Variants in NEB observed in about 807,000 individuals in gnomAD.
NEB encodes nemaline myopathy type 2.
In NEB, 512 loss-of-function variants were observed where a neutral mutation model predicts 952.2. The ratio of observed to expected loss-of-function variants is 0.54; its 90% CI spans 0.50 to 0.58. The LOEUF is 0.58. NEB is among the 20% of genes least tolerant of loss of function. The pLI is 0.00. For synonymous variants in NEB, 2,900 were observed against 3,149.8 expected, an observed-to-expected ratio of 0.92 and a Z score of 2.66; for missense variants, 8,428 against 9,231.1, an observed-to-expected ratio of 0.91 and a Z score of 3.56.
Position 151,570,140 on chromosome 2 carries a change from A to G in NEB, c.17371T>C (p.Cys5791Arg), listed in dbSNP as rs1553788021. Residue 5791 changes from cysteine to arginine, a missense_variant, in exon 109 of 182, where the codon TGC becomes CGC. Physicochemically the swap from Cys to Arg is radical, Grantham distance 180. Coordinates refer to ENST00000397345, the MANE Select transcript of NEB (RefSeq NM_001164508.2). Reference sequence around the variant, plus strand: ...ATCACATCGTTCTGGTCGGGCATGCAGGTCCACTGGTGCAGGTAATTGCGG... The same window carrying G: ...ATCACATCGTTCTGGTCGGGCATGCGGGTCCACTGGTGCAGGTAATTGCGG... ...DYRNYLHQWTCMPDQNDVIQA... is the reference protein window; with the variant it reads ...DYRNYLHQWTRMPDQNDVIQA... The G allele has an allele frequency of 6.2e-7, 1 of 1,613,222 alleles. No individual in the cohort carries two copies. Among genetic ancestry groups the G allele is most frequent in the Non-Finnish European group, 8.5e-7 (1 of 1,179,618 alleles).
At position 151,565,483 on chromosome 2, in the gene NEB, T is replaced by C; in HGVS notation, c.18366+18A>G. Reference sequence around the variant, plus strand: ...ACTCCCCAGTCTGTGCACTTCAGCATGCACAAAGCAAACTTACATCACTTT... The same window carrying C: ...ACTCCCCAGTCTGTGCACTTCAGCACGCACAAAGCAAACTTACATCACTTT... On this transcript the variant is annotated intron_variant, in intron 116 of 181. Transcript: ENST00000397345. 4 of 1,490,866 alleles carry C rather than the reference T, an allele frequency of 2.7e-6. No homozygotes were observed. The African/African-American group carries it at 4.1e-5, about 15-fold the overall frequency. 92.4% of individuals were successfully genotyped at this position (1,490,866 alleles called of 1,614,324 possible).
rs527598803 is a variant in NEB at position 151,541,469 on chromosome 2, C to T, written c.20660G>A (p.Arg6887Gln). 19 of 1,612,832 alleles carry T rather than the reference C, an allele frequency of 1.2e-5. No homozygotes were observed. The highest frequency in any genetic ancestry group is 7.7e-5 in the South Asian group (7 of 90,806). ...PDTPDLLRAK[R>Q]GQKLQSQYLY... ...TACCTGACTCTGAAGCTTCTGCCCT[C>T]GCTTGGCTCTTAAAAGATCAGGAGT... is the stretch of plus-strand genomic sequence containing the variant. Residue 6887 changes from arginine to glutamine, a missense_variant, in exon 136 of 182, where the codon CGA becomes CAA. Coordinates refer to ENST00000397345, the MANE Select transcript of NEB (RefSeq NM_001164508.2).
chr2:151,563,765 A>C (rs2096231107), intron 118 of NEB, 46 bp from the exon 119 acceptor site: 9 of 1,607,766 alleles, frequency 5.6e-6, no homozygotes, highest in African/African-American at 1.3e-5. Context: ...TTTCCTAACC[A>C]GCCCCTTGAT....
rs1015426122 is a variant in NEB, at chr2:151,625,711, A to T, written c.10348-73T>A. 99 of 1,022,672 alleles carry T rather than the reference A, an allele frequency of 9.7e-5. No individual in the cohort carries two copies. In the African/African-American group the frequency reaches 1.5e-3, roughly 16 times the overall value. 63.3% of individuals were successfully genotyped at this position (1,022,672 alleles called of 1,614,324 possible). On this transcript the variant is annotated intron_variant, in intron 70 of 181. Transcript: ENST00000397345. ...AACAGGAGTTTTCAATTAAGACACC[A>T]TGACAAAGTTGAGAGCCAGCTTTCT...
intron 50 of NEB, 109 bp downstream of exon 50, chr2:151,655,708 G>T: frequency 1.7e-6 from 2 of 1,182,254 alleles, no homozygotes; most frequent in Non-Finnish European, 2.4e-6. Flanking sequence ...GGAATGGTTT[G>T]CCACAGCCTA....
At position 151,697,668 on chromosome 2, in the gene NEB, C is replaced by A; in HGVS notation, c.1153-20G>T. 1 of 1,535,514 alleles carries A rather than the reference C, an allele frequency of 6.5e-7. No individual in the cohort carries two copies. Among genetic ancestry groups the A allele is most frequent in the East Asian group, 2.2e-5 (1 of 44,522 alleles). ...TAGTTTCTGTCAAAGAAAAAAAATT[C>A]AGTTAAAGTAGATTCCTGTCACTCC... is the stretch of plus-strand genomic sequence containing the variant. On this transcript the variant is annotated intron_variant, in intron 13 of 181. Coordinates refer to ENST00000397345, the MANE Select transcript of NEB (RefSeq NM_001164508.2).
Position 151,567,275 on chromosome 2 carries a change from TCTGCCCCTG to T in NEB, c.18040_18048del (p.Gln6014_Gln6016del). ...CGATAATCAATATCACTGACAAGGGTCTGCCCCTGCTTGGCGGCCAAGACTGACACCATA... is the reference window on the plus strand; with the variant it reads ...CGATAATCAATATCACTGACAAGGGTCTTGGCGGCCAAGACTGACACCATA... On this transcript the variant is annotated inframe_deletion, in exon 114 of 182. Coordinates refer to ENST00000397345, the MANE Select transcript of NEB (RefSeq NM_001164508.2). The T allele has an allele frequency of 6.2e-7, 1 of 1,613,820 alleles. No individual in the cohort carries two copies. Among genetic ancestry groups the T allele is most frequent in the East Asian group, 2.2e-5 (1 of 44,866 alleles).
At chr2:151,518,167 A>G in intron 156 of NEB, 151 bp downstream of exon 156, 2 of 670,658 alleles carry the variant, frequency 3.0e-6, no homozygotes, top group Non-Finnish European at 5.4e-6. Context: ...AATTTATAAC[A>G]TAAGAATTTG....
chr2:151,670,696 T>C (rs896369755), intron 38 of NEB, among the ~76,000 whole-genome samples: 11 of 152,232 alleles, frequency 7.2e-5, no homozygotes, highest in Admixed American at 6.5e-4. Context: ...AATAAATAGC[T>C]TGTTTTGCAA....
intron 23 of NEB, among the ~76,000 whole-genome samples, chr2:151,691,455 CCTTT>C (rs755107450): frequency 7.9e-5 from 12 of 152,148 alleles, no homozygotes; most frequent in South Asian, 2.1e-4. Flanking sequence ...TGTGCTCCTT[CCTTT>C]GTTTATTACT....
chr2:151,733,969 C>T (rs1005300813), intron 1 of NEB, among the ~76,000 whole-genome samples, 174 bp from the exon 2 acceptor site: 1 of 152,152 alleles, frequency 6.6e-6, no homozygotes, highest in Non-Finnish European at 1.5e-5. Context: ...ACAGCTGTCC[C>T]TTCATCCAAA....
intron 143 of NEB, among the ~76,000 whole-genome samples, chr2:151,532,389 C>T (rs1318137335): frequency 6.6e-6 from 1 of 152,056 alleles, no homozygotes; most frequent in African/African-American, 2.4e-5. Flanking sequence ...GTACAATCTC[C>T]AAAGGCATTT....
At chr2:151,494,303 G>C (rs752947071) in intron 173 of NEB, 50 bp from the exon 174 acceptor site, 33 of 1,286,238 alleles carry the variant, frequency 2.6e-5, no homozygotes, top group Non-Finnish European at 3.3e-5. Context: ...AGAGTTAACA[G>C]TTACCAAAAA....
At chr2:151,501,248 C>G in intron 168 of NEB, 143 bp downstream of exon 168, 1 of 540,176 alleles carries the variant, frequency 1.9e-6, no homozygotes, top group Non-Finnish European at 3.3e-6. Context: ...AGTAGGAGAT[C>G]TGGAAAACAG....
intron 46 of NEB, 78 bp from the exon 47 acceptor site, chr2:151,659,247 T>C (rs1164513040): frequency 1.4e-6 from 1 of 734,728 alleles, no homozygotes; most frequent in Non-Finnish European, 2.3e-6. Flanking sequence ...ATTGTACATA[T>C]ATATCAATAT....
Position 151,497,067 on chromosome 2 carries a change from A to ATGAG in NEB, c.24301-38_24301-35dup, listed in dbSNP as rs201482443. 1.2e-3 allele frequency: 1,921 copies of ATGAG among 1,546,176 alleles called. 25 individuals carry two copies. The African/African-American group carries it at 0.023, about 19-fold the overall frequency. ...TAAGAAAGCAACCAGAAAAACAACCATGAGTAACATTTCATTTGTTGAAAG... is the reference window on the plus strand; with the variant it reads ...TAAGAAAGCAACCAGAAAAACAACCATGAGTGAGTAACATTTCATTTGTTGAAAG... On this transcript the variant is annotated intron_variant, in intron 171 of 181. Coordinates refer to ENST00000397345, the MANE Select transcript of NEB (RefSeq NM_001164508.2).
chr2:151,503,313 G>A (rs775980102), intron 166 of NEB, 36 bp downstream of exon 166: 1 of 1,457,336 alleles, frequency 6.9e-7, no homozygotes, highest in Admixed American at 1.7e-5. Context: ...AATTTTTTAT[G>A]GGAAATAGTT....
At chr2:151,575,248 T>G (rs1490212075) in intron 107 of NEB, among the ~76,000 whole-genome samples, 1 of 152,168 alleles carries the variant, frequency 6.6e-6, no homozygotes, top group Non-Finnish European at 1.5e-5. Flanking sequence ...TCTTGCTGTA[T>G]GTTTTTTGGT....
chr2:151,547,416 A>C lies in NEB; in HGVS notation c.20367+13T>G, dbSNP rs1261693346. ...GTAAGACTACTCCAGAAAGACCCCT[A>C]CGAGATGCTTACATCACTGGTGATG... On this transcript the variant is annotated intron_variant, in intron 133 of 181. Coordinates refer to ENST00000397345, the MANE Select transcript of NEB (RefSeq NM_001164508.2). 1 of 1,570,690 alleles carries C rather than the reference A, an allele frequency of 6.4e-7. No individual in the cohort carries two copies. Among genetic ancestry groups the C allele is most frequent in the Admixed American group, 1.8e-5 (1 of 54,916 alleles).
Sources: gnomAD v4.1 joint callset for allele counts (sites outside exome capture counted in the v4.1 genomes callset) on GRCh38, gnomAD v4.1.1 for gene constraint, MANE v1.5 for transcripts, NCBI Gene and HGNC (gene_info 2026-07-23, HGNC 2026-07-21) for gene names.